F13A1: variants seen among roughly 807,000 people sequenced by gnomAD.
The protein encoded by F13A1 is coagulation factor XIII A chain, also known as FSF, A subunit.
F13A1 carries 47 observed loss-of-function variants against 80.1 expected under a neutral mutation model. The ratio of observed to expected loss-of-function variants is 0.59; its 90% CI spans 0.46 to 0.75. The LOEUF (loss-of-function observed/expected upper bound fraction) is 0.75. F13A1 is among the 30% of genes least tolerant of loss of function. The probability of loss-of-function intolerance (pLI) is 0.00; values close to 1 mark genes in which losing one functional copy is unlikely to be tolerated. For synonymous variants in F13A1, 349 were observed against 344.9 expected (o/e 1.01, Z -0.13); for missense variants, 817 against 930.4 (o/e 0.88, Z 1.59).
intron 14 of F13A1, among the ~76,000 whole-genome samples, chr6:6,149,319 G>A (rs1760332964): frequency 6.6e-6 from 1 of 152,026 alleles, no homozygotes; most frequent in Non-Finnish European, 1.5e-5. Flanking sequence ...ACATCAAATT[G>A]CCCCACATAA....
intron 8 of F13A1, among the ~76,000 whole-genome samples, chr6:6,205,051 T>G (rs1761461520): frequency 1.3e-5 from 2 of 152,324 alleles, no homozygotes; most frequent in African/African-American, 4.8e-5. Flanking sequence ...ATATGGGAGA[T>G]AAATGGAGGG....
In F13A1 at chr6:6,308,272, C is replaced by T. The variant is rs115061460; in HGVS notation, c.131-2733G>A. On this transcript the variant is annotated intron_variant, in intron 2 of 14. Transcript: ENST00000264870. ...CTCCTGACCTCAGGTGATCCGCCGG[C>T]TTGGCTTTCCAAAGTGCTAAGATTA... 7.4e-3 allele frequency among the ~76,000 whole-genome samples: 1,120 copies of T among 152,260 alleles called. 9 individuals carry two copies. The highest frequency in any genetic ancestry group is 0.025 in the African/African-American group (1,058 of 41,556).
At chr6:6,262,502 T>A (rs1005367118) in intron 4 of F13A1, among the ~76,000 whole-genome samples, 10 of 152,148 alleles carry the variant, frequency 6.6e-5, no homozygotes, top group African/African-American at 2.2e-4. Flanking sequence ...TTTGCAGAGA[T>A]GTTTGGGCCT....
chr6:6,230,810 A>G (rs113695524), intron 6 of F13A1, among the ~76,000 whole-genome samples: 24 of 152,326 alleles, frequency 1.6e-4, no homozygotes, highest in African/African-American at 5.8e-4. Flanking sequence ...AGCTGGGTAG[A>G]CTTGCTGGGT....
chr6:6,319,366 G>A (rs1758735785), intron 1 of F13A1, among the ~76,000 whole-genome samples: 1 of 152,196 alleles, frequency 6.6e-6, no homozygotes, highest in Admixed American at 6.5e-5. Flanking sequence ...ACATGGAGGA[G>A]GATAAGGAGG....
Position 6,227,034 on chromosome 6 carries a change from C to T in F13A1, c.799-2174G>A, listed in dbSNP as rs538260393. On this transcript the variant is annotated intron_variant, in intron 6 of 14. Coordinates refer to ENST00000264870, the MANE Select transcript of F13A1 (RefSeq NM_000129.4). ...TGTGTAGTGTCATGAAACAATATGG[C>T]AGGCTCTGGGACCTTCTAGGAGCTC... 8.8e-5 allele frequency among the ~76,000 whole-genome samples: 13 copies of T among 148,058 alleles called. No individual in the cohort carries two copies. The East Asian group carries it at 2.7e-3, about 31-fold the overall frequency.
intron 3 of F13A1, among the ~76,000 whole-genome samples, chr6:6,276,668 GT>G (rs11316740): frequency 0.29 from 44,077 of 151,934 alleles, 6,917 homozygotes; most frequent in African/African-American, 0.41. Flanking sequence ...GGTCGGCTTG[GT>G]CCAGAGCTGT....
Position 6,162,300 on chromosome 6 carries a change from A to ACTGC in F13A1, c.1908+5154_1908+5157dup, listed in dbSNP as rs1760589285. 6.6e-6 allele frequency among the ~76,000 whole-genome samples: 1 copy of ACTGC among 152,066 alleles called. No homozygotes were observed. Among genetic ancestry groups the ACTGC allele is most frequent in the African/African-American group, 2.4e-5 (1 of 41,406 alleles). On this transcript the variant is annotated intron_variant, in intron 13 of 14. Transcript: ENST00000264870. This position sits in a 1 kb window ranked among gnomAD's most constrained non-coding sequence, Gnocchi z 4.2. ...AGGCACGCTTCTCACTGCTCTACAT[A>ACTGC]CTGCCGTCCACCTCCCCTCTAGCCC...
chr6:6,318,442 G>A, intron 2 of F13A1, 93 bp downstream of exon 2: 1 of 1,459,724 alleles, frequency 6.9e-7, no homozygotes, highest in Non-Finnish European at 9.1e-7. Context: ...GGGAACCCCA[G>A]TGGAGACAGA....
At chr6:6,236,191 T>C (rs192168722) in intron 6 of F13A1, among the ~76,000 whole-genome samples, 1 of 152,214 alleles carries the variant, frequency 6.6e-6, no homozygotes, top group African/African-American at 2.4e-5. Flanking sequence ...AGGAAACTTC[T>C]GGGGGCAATG....
At chr6:6,274,509 C>T (rs894623397) in intron 3 of F13A1, among the ~76,000 whole-genome samples, 3 of 152,104 alleles carry the variant, frequency 2.0e-5, no homozygotes, top group African/African-American at 7.2e-5. Context: ...ATGAGGACAC[C>T]CTGTCTCAGG....
At chr6:6,279,750 A>T (rs772423725) in intron 3 of F13A1, among the ~76,000 whole-genome samples, 1 of 152,212 alleles carries the variant, frequency 6.6e-6, no homozygotes, top group Non-Finnish European at 1.5e-5. Flanking sequence ...TATGAGCAGA[A>T]TGAGCCTTCT....
At chr6:6,218,533 G>A (rs1308531565) in intron 8 of F13A1, among the ~76,000 whole-genome samples, 1 of 152,130 alleles carries the variant, frequency 6.6e-6, no homozygotes, top group Non-Finnish European at 1.5e-5. Context: ...GCCCACTTGG[G>A]GTTTCATTTG....
chr6:6,248,826 G>A (rs944052502), intron 5 of F13A1, among the ~76,000 whole-genome samples: 6 of 152,134 alleles, frequency 3.9e-5, no homozygotes, highest in Admixed American at 6.5e-5. Flanking sequence ...GTGAATCCTC[G>A]TGCATTTAGA....
rs146801459 is a variant in F13A1 at position 6,208,179 on chromosome 6, C to T, written c.1113-10853G>A. On this transcript the variant is annotated intron_variant, in intron 8 of 14. Transcript: ENST00000264870. ...ATTATATCTCATCAAATAGAGAATA[C>T]GAATGAAAAGATAGAAATTATGAAA... Among the ~76,000 whole-genome samples, 212 of 151,908 alleles carry T rather than the reference C, an allele frequency of 1.4e-3. 1 individual carries two copies. Among genetic ancestry groups the T allele is most frequent in the African/African-American group, 4.7e-3 (193 of 41,422 alleles).
chr6:6,214,937 G>A (rs1455961967), intron 8 of F13A1, among the ~76,000 whole-genome samples: 1 of 101,292 alleles, frequency 9.9e-6, no homozygotes, highest in Non-Finnish European at 2.0e-5. Flanking sequence ...TAGAAGAAAT[G>A]GATAAATTCC....
intron 3 of F13A1, among the ~76,000 whole-genome samples, chr6:6,267,711 G>A (rs1472565953): frequency 6.6e-6 from 1 of 151,682 alleles, no homozygotes. Context: ...TAAACTTAGA[G>A]ATAAAAATCT....
At chr6:6,181,518 C>T (rs902511449) in intron 11 of F13A1, among the ~76,000 whole-genome samples, 3 of 152,090 alleles carry the variant, frequency 2.0e-5, no homozygotes, top group Non-Finnish European at 4.4e-5. Context: ...ATTGCATTGT[C>T]CTATTAATAT....
intron 11 of F13A1, among the ~76,000 whole-genome samples, chr6:6,178,817 G>A (rs1760929043): frequency 6.6e-6 from 1 of 152,204 alleles, no homozygotes; most frequent in Admixed American, 6.5e-5. Context: ...AGAATTGCAA[G>A]CAAAGGGAGT....
Sources: gnomAD v4.1 joint callset for allele counts (sites outside exome capture counted in the v4.1 genomes callset) on GRCh38, gnomAD v4.1.1 for gene constraint, Gnocchi (gnomAD v3.1) non-coding constraint, MANE v1.5 for transcripts, NCBI Gene and HGNC (gene_info 2026-07-23, HGNC 2026-07-21) for gene names.